The following TMEM132A variants were observed in gnomAD, a reference collection of about 807,000 sequenced individuals.
The protein encoded by TMEM132A is GRP78-binding protein.
TMEM132A carries 48 observed loss-of-function variants against 69.9 expected under a neutral mutation model. The observed-to-expected ratio is 0.69, with a 90% CI of 0.55 to 0.87. The LOEUF is 0.87. TMEM132A is among the 40% of genes least tolerant of loss of function. The pLI is 0.00. For synonymous variants in TMEM132A, 577 were observed against 613.7 expected, an observed-to-expected ratio of 0.94 and a Z score of 0.88; for missense variants, 1,287 against 1,407.2, an observed-to-expected ratio of 0.91 and a Z score of 1.37.
chr11:60,930,945 C>T (rs900196907), intron 5 of TMEM132A, among the ~76,000 whole-genome samples: 1 of 152,188 alleles, frequency 6.6e-6, no homozygotes, highest in Non-Finnish European at 1.5e-5. Context: ...GCCCTCATAG[C>T]CACTACTCCA....
intron 4 of TMEM132A, among the ~76,000 whole-genome samples, 162 bp from the exon 5 acceptor site, chr11:60,930,348 G>A (rs1376891665): frequency 1.3e-5 from 2 of 152,186 alleles, no homozygotes; most frequent in African/African-American, 4.8e-5. Context: ...TAAGGTGTGA[G>A]CTGCACTGAG....
Position 60,928,974 on chromosome 11 carries a change from C to A in TMEM132A, c.866+14C>A, listed in dbSNP as rs774467088. 6.2e-7 allele frequency: 1 copy of A among 1,611,128 alleles called. No homozygotes were observed. The highest frequency in any genetic ancestry group is 8.5e-7 in the Non-Finnish European group (1 of 1,179,862). On this transcript the variant is annotated intron_variant, in intron 4 of 10. Coordinates refer to ENST00000453848, the MANE Select transcript of TMEM132A (RefSeq NM_178031.3). ...CCTGACCCTGCGGTGAGCACCAGGCCACGGGGATGGGTGAGGGTGGGAACC... is the reference window on the plus strand; with the variant it reads ...CCTGACCCTGCGGTGAGCACCAGGCAACGGGGATGGGTGAGGGTGGGAACC...
At position 60,924,517 on chromosome 11, in the gene TMEM132A, G is replaced by T; in HGVS notation, c.-117G>T. Reference sequence around the variant, plus strand: ...CCGCGGGGCGGGCGGCGGCGGCGGCGGCGGCGGCCGGGACCCAGCGGGCCA... The same window carrying T: ...CCGCGGGGCGGGCGGCGGCGGCGGCTGCGGCGGCCGGGACCCAGCGGGCCA... On this transcript the variant is annotated 5_prime_UTR_variant, in exon 1 of 11. Transcript: ENST00000453848. The T allele has an allele frequency of 4.7e-6, 3 of 640,528 alleles. No homozygotes were observed. 39.7% of individuals were successfully genotyped at this position (640,528 alleles called of 1,614,324 possible).
intron 2 of TMEM132A, 28 bp from the exon 3 acceptor site, chr11:60,927,613 T>C: frequency 1.3e-6 from 2 of 1,585,082 alleles, no homozygotes; most frequent in Non-Finnish European, 1.7e-6. Context: ...AGCTCCTCTT[T>C]TGTTAAGCCC....
In TMEM132A at chr11:60,930,309, G is replaced by A. The variant is rs1464945862; in HGVS notation, c.867-201G>A. Among the ~76,000 whole-genome samples, 8 of 152,184 alleles carry A rather than the reference G, an allele frequency of 5.3e-5. 1 individual carries two copies. Among genetic ancestry groups the A allele is most frequent in the African/African-American group, 1.9e-4 (8 of 41,442 alleles). On this transcript the variant is annotated intron_variant, in intron 4 of 10. Transcript: ENST00000453848. ...TTGACCTTATGGGCAGTGGGGAGGC[G>A]TAAGTGGTCTTTGGGTGGGGGAGAG...
Position 60,930,654 on chromosome 11 carries a change from T to A in TMEM132A, c.1011T>A (p.Asp337Glu). 6.2e-7 allele frequency: 1 copy of A among 1,608,274 alleles called. No homozygotes were observed. Among genetic ancestry groups the A allele is most frequent in the Admixed American group, 1.7e-5 (1 of 59,248 alleles). The change falls in exon 5 of 11, where the codon GAT (aspartate) becomes GAA (glutamate). Residue 337 changes from aspartate (D) to glutamate (E), a missense_variant. Coordinates refer to ENST00000453848, the MANE Select transcript of TMEM132A (RefSeq NM_178031.3). ...ACCGTGCTGGGCTCACAGAGCCAGA[T>A]TCCAGGTGGGCAGTTTCCCTCCACC... ...TCHRAGLTEP[D>E]SSPLELSEFL... is the part of the protein sequence containing the mutation.
At chr11:60,932,315 C>A in intron 7 of TMEM132A, 188 bp downstream of exon 7, 1 of 631,622 alleles carries the variant, frequency 1.6e-6, no homozygotes, top group Non-Finnish European at 2.5e-6. Context: ...GTCAAGTAAC[C>A]CTAACAGCCC....
intron 3 of TMEM132A, 111 bp from the exon 4 acceptor site, chr11:60,928,518 C>T: frequency 9.6e-7 from 1 of 1,045,890 alleles, no homozygotes; most frequent in Non-Finnish European, 1.4e-6. Flanking sequence ...CATGCTGGGC[C>T]TCCCTTTCAT....
At position 60,936,653 on chromosome 11, in the gene TMEM132A, C is replaced by T. The variant is rs201654663; in HGVS notation, c.2818C>T (p.Pro940Ser). 2.7e-4 allele frequency: 415 copies of T among 1,551,756 alleles called. 1 individual carries two copies. The East Asian group carries it at 6.5e-3, about 24-fold the overall frequency. Residue 940 changes from proline to serine, a missense_variant, in exon 11 of 11, where the codon CCT becomes TCT. Coordinates refer to ENST00000453848, the MANE Select transcript of TMEM132A (RefSeq NM_178031.3). ...GGEAPTLAPG[P>S]PGGTTSSSST... Reference sequence around the variant, plus strand: ...GGAGGCCCCTACCCTGGCCCCTGGCCCTCCTGGGGGCACCACCAGCTCCTC... The same window carrying T: ...GGAGGCCCCTACCCTGGCCCCTGGCTCTCCTGGGGGCACCACCAGCTCCTC...
Position 60,924,618 on chromosome 11 carries a change from G to C in TMEM132A, c.-16G>C. 6.3e-7 allele frequency: 1 copy of C among 1,582,994 alleles called. No homozygotes were observed. The highest frequency in any genetic ancestry group is 8.5e-7 in the Non-Finnish European group (1 of 1,170,892). On this transcript the variant is annotated 5_prime_UTR_variant, in exon 1 of 11. Coordinates refer to ENST00000453848, the MANE Select transcript of TMEM132A (RefSeq NM_178031.3). ...CACCTGAGCCGCCCGCCTCGTCCCC[G>C]CCTTCTGTGGGAAGGATGTGCGCGC...
chr11:60,934,792 AC>A (rs1161075942), intron 9 of TMEM132A, 28 bp downstream of exon 9: 11 of 1,568,472 alleles, frequency 7.0e-6, no homozygotes, highest in Non-Finnish European at 8.7e-6. Flanking sequence ...AGGAGAGTAG[AC>A]CCCCTGAGAA....
chr11:60,933,333 C>G (rs1164527732), intron 7 of TMEM132A: 3 of 580,286 alleles, frequency 5.2e-6, no homozygotes. Context: ...CAGGCATGTG[C>G]CACCACACCC....
chr11:60,924,710 C>T lies in TMEM132A; in HGVS notation c.77C>T (p.Ala26Val), dbSNP rs1470515354. ...PYGPWLCLLV[A>V]LALDVVRVDC... is the part of the protein sequence containing the mutation. ...GGCCCCTGGCTCTGCCTCCTGGTGG[C>T]CCTCGCCCTGGACGTCGTGAGAGGT... Residue 26 changes from alanine (A) to valine (V), a missense_variant, in exon 1 of 11, where the codon GCC (alanine) becomes GTC (valine). Physicochemically the swap from Ala to Val is moderately conservative, Grantham distance 64. Coordinates refer to ENST00000453848, the MANE Select transcript of TMEM132A (RefSeq NM_178031.3). 1.9e-6 allele frequency: 3 copies of T among 1,585,686 alleles called. No individual in the cohort carries two copies. Among genetic ancestry groups the T allele is most frequent in the African/African-American group, 2.7e-5 (2 of 73,646 alleles).
Position 60,933,715 on chromosome 11 carries a change from C to A in TMEM132A, c.1530C>A (p.Arg510=), listed in dbSNP as rs758927732. Residue 510 remains arginine (R), a synonymous_variant, in exon 8 of 11, where the codon CGC becomes CGA. Transcript: ENST00000453848. ...CCGACACCACCCTCGAGCAGGTCCG[C>A]GGCTGGAGGGTACCTGGCCCTGCTG... ...ELTDTTLEQV[R]GWRVPGPAEG... 17 of 1,591,112 alleles carry A rather than the reference C, an allele frequency of 1.1e-5. No individual in the cohort carries two copies. Among genetic ancestry groups the A allele is most frequent in the Non-Finnish European group, 1.4e-5 (16 of 1,170,452 alleles).
chr11:60,931,951 G>A (rs200666373), intron 6 of TMEM132A, 33 bp from the exon 7 acceptor site: 211 of 1,613,150 alleles, frequency 1.3e-4, no homozygotes, highest in Non-Finnish European at 1.7e-4. Context: ...ATGAGCTGAG[G>A]GGCCTGGGGC....
Position 60,935,804 on chromosome 11 carries a change from T to C in TMEM132A, c.2029-60T>C. Reference sequence around the variant, plus strand: ...ATGTGGCCTATCTCTGTGGGAGTGGTTTCTCTGTGCATGCGTGCGTGCCCT... The same window carrying C: ...ATGTGGCCTATCTCTGTGGGAGTGGCTTCTCTGTGCATGCGTGCGTGCCCT... On this transcript the variant is annotated intron_variant, in intron 10 of 10. Coordinates refer to ENST00000453848, the MANE Select transcript of TMEM132A (RefSeq NM_178031.3). The surrounding 1 kb of genome is among the most constrained non-coding windows in gnomAD (Gnocchi z 5.0). The C allele has an allele frequency of 6.4e-7, 1 of 1,574,342 alleles. No individual in the cohort carries two copies. Among genetic ancestry groups the C allele is most frequent in the Non-Finnish European group, 8.6e-7 (1 of 1,161,228 alleles).
rs184941567 is a variant in TMEM132A at position 60,936,478 on chromosome 11, C to A, written c.2643C>A (p.Pro881=). 2 of 1,614,158 alleles carry A rather than the reference C, an allele frequency of 1.2e-6. No homozygotes were observed. Among genetic ancestry groups the A allele is most frequent in the African/African-American group, 2.7e-5 (2 of 75,050 alleles). The stretch of plus-strand genomic sequence containing the variant: ...TGCGCTATCAGCGCAAAGAACCTCC[C>A]GACAGTGCCACTGACCCCACCTCCC... ...FVLRYQRKEP[P]DSATDPTSPQ... The change falls in exon 11 of 11, where the codon CCC becomes CCA. Residue 881 remains proline (P), a synonymous_variant. Transcript: ENST00000453848.
Position 60,933,581 on chromosome 11 carries a change from G to C in TMEM132A, c.1396G>C (p.Glu466Gln). ...ACDAVFVAGK[E>Q]SRGARGVRVD... ...TGATGCCGTGTTCGTGGCTGGCAAG[G>C]AGAGCCGGGGCGCCCGGGGGGTGCG... The change falls in exon 8 of 11, where the codon GAG becomes CAG. Residue 466 changes from glutamate to glutamine, a missense_variant. Physicochemically the swap from Glu to Gln is conservative, Grantham distance 29. Coordinates refer to ENST00000453848, the MANE Select transcript of TMEM132A (RefSeq NM_178031.3). 6.2e-7 allele frequency: 1 copy of C among 1,607,756 alleles called. No homozygotes were observed. Among genetic ancestry groups the C allele is most frequent in the Non-Finnish European group, 8.5e-7 (1 of 1,179,244 alleles).
chr11:60,925,559 G>A (rs1385242635), intron 1 of TMEM132A: 1 of 152,314 alleles, frequency 6.6e-6, no homozygotes, highest in Non-Finnish European at 1.5e-5. Context: ...TGTTACGCTT[G>A]GGGCAGGGGG....
Sources: gnomAD v4.1 joint callset for allele counts (sites outside exome capture counted in the v4.1 genomes callset) on GRCh38, gnomAD v4.1.1 for gene constraint, Gnocchi (gnomAD v3.1) non-coding constraint, MANE v1.5 for transcripts, NCBI Gene and HGNC (gene_info 2026-07-23, HGNC 2026-07-21) for gene names.